The following NBEAL1 variants were observed in gnomAD, a reference collection of about 807,000 sequenced individuals.
The protein encoded by NBEAL1 is neurobeachin-like protein 1.
In NBEAL1, 273 loss-of-function variants were observed where a neutral mutation model predicts 351.3. The ratio of observed to expected loss-of-function variants is 0.78; its 90% confidence interval spans 0.70 to 0.86. The LOEUF is 0.86. NBEAL1 is among the 40% of genes least tolerant of loss of function. The pLI is 0.00. For synonymous variants in NBEAL1, 1,050 were observed against 1,086.4 expected (o/e 0.97, Z 0.66); for missense variants, 2,961 against 3,201.3 (o/e 0.92, Z 1.81).
chr2:203,210,027 A>G (rs1255109497), intron 53 of NBEAL1, among the ~76,000 whole-genome samples: 3 of 152,086 alleles, frequency 2.0e-5, no homozygotes, highest in Non-Finnish European at 2.9e-5. Flanking sequence ...CTGGGATTAC[A>G]GACATGAGCC....
rs553184413 is a variant in NBEAL1 at position 203,166,213 on chromosome 2, A to G, written c.5779A>G (p.Thr1927Ala). The part of the protein sequence containing the change: ...LVLMEDCELI[T>A]IIDVIPGRLE... ...ATTGATGGAAGACTGTGAACTCATTACAATAATTGATGTAATTCCTGGCAG... is the reference window on the plus strand; with the variant it reads ...ATTGATGGAAGACTGTGAACTCATTGCAATAATTGATGTAATTCCTGGCAG... Residue 1927 changes from threonine to alanine, a missense_variant, in exon 37 of 56, where the codon ACA becomes GCA. By Grantham distance (58) the Thr-to-Ala change is moderately conservative. Coordinates refer to ENST00000683969, the MANE Select transcript of NBEAL1 (RefSeq NM_001378026.1). 5.0e-6 allele frequency: 8 copies of G among 1,611,356 alleles called. No homozygotes were observed. The East Asian group carries it at 1.8e-4, about 36-fold the overall frequency.
rs1308333962 is a variant in NBEAL1, at chr2:203,219,347, AT to A, written c.*1994del. On this transcript the variant is annotated 3_prime_UTR_variant, in exon 56 of 56. Transcript: ENST00000683969. ...ATACTGGATTTGAAAATTATTTTGG[AT>A]GCTTATAAGTTTTCTAAAACTTAGA... The A allele has an allele frequency of 9.2e-5, 14 of 152,106 alleles. No homozygotes were observed. The highest frequency in any genetic ancestry group is 1.9e-4 in the Non-Finnish European group (13 of 68,020). 9.4% of individuals were successfully genotyped at this position (152,106 alleles called of 1,614,324 possible). A position where few individuals can be genotyped will look rare whatever the true frequency, so the allele number is the denominator to read the frequency against.
chr2:203,138,643 C>T lies in NBEAL1; in HGVS notation c.4743C>T (p.Leu1581=). The T allele has an allele frequency of 1.2e-6, 2 of 1,608,604 alleles. No homozygotes were observed. The highest frequency in any genetic ancestry group is 1.1e-5 in the South Asian group (1 of 89,310). Residue 1581 remains leucine, a synonymous_variant, in exon 31 of 56, where the codon CTC becomes CTT. Transcript: ENST00000683969. The part of the protein sequence containing the change: ...TEKLLEDMML[L]FDCLSVCYSE... ...AGCTTTTAGAGGATATGATGCTGCT[C>T]TTTGACTGTCTGTCAGTCTGCTATT...
chr2:203,160,175 G>A (rs1185836201), intron 36 of NBEAL1, among the ~76,000 whole-genome samples: 1 of 150,574 alleles, frequency 6.6e-6, no homozygotes, highest in African/African-American at 2.4e-5. Flanking sequence ...TACCTCCCAG[G>A]TTCAAGCAAT....
At chr2:203,163,058 G>T (rs962373987) in intron 36 of NBEAL1, among the ~76,000 whole-genome samples, 7 of 152,226 alleles carry the variant, frequency 4.6e-5, no homozygotes, top group African/African-American at 1.7e-4. Context: ...TCAGAAGGCT[G>T]AGGCAGGGGA....
At chr2:203,139,634 G>A (rs910178612) in intron 31 of NBEAL1, among the ~76,000 whole-genome samples, 1 of 130,628 alleles carries the variant, frequency 7.7e-6, no homozygotes, top group African/African-American at 2.9e-5. Flanking sequence ...GGTGGCTCTC[G>A]GCTCACTGTA....
At chr2:203,170,648 C>G (rs962436042) in intron 39 of NBEAL1, among the ~76,000 whole-genome samples, 1 of 152,178 alleles carries the variant, frequency 6.6e-6, no homozygotes, top group African/African-American at 2.4e-5. Context: ...TCTCCTTCCT[C>G]CCACAAACAC....
intron 18 of NBEAL1, among the ~76,000 whole-genome samples, chr2:203,119,880 C>T (rs1275361195): frequency 6.6e-6 from 1 of 152,160 alleles, no homozygotes; most frequent in African/African-American, 2.4e-5. Flanking sequence ...TTAACAAATG[C>T]TAGTTTGGGA....
At position 203,223,699 on chromosome 2, in the gene NBEAL1, G is replaced by A. The variant is rs2065979398; in HGVS notation, c.*6345G>A. On this transcript the variant is annotated 3_prime_UTR_variant, in exon 56 of 56. Transcript: ENST00000683969. ...AAGATGTATTAAAACTAGCAATTCTGTGGTAATCAGTGTACTAGTCAACAT... is the reference window on the plus strand; with the variant it reads ...AAGATGTATTAAAACTAGCAATTCTATGGTAATCAGTGTACTAGTCAACAT... 6.6e-6 allele frequency among the ~76,000 whole-genome samples: 1 copy of A among 151,996 alleles called. No individual in the cohort carries two copies. Among genetic ancestry groups the A allele is most frequent in the African/African-American group, 2.4e-5 (1 of 41,418 alleles).
chr2:203,109,220 G>C (rs1399251106), intron 14 of NBEAL1, among the ~76,000 whole-genome samples: 1 of 152,128 alleles, frequency 6.6e-6, no homozygotes, highest in Non-Finnish European at 1.5e-5. Context: ...AGCTGGGCGT[G>C]GTGGCACATG....
intron 44 of NBEAL1, among the ~76,000 whole-genome samples, chr2:203,185,204 G>A (rs934842423): frequency 1.3e-5 from 2 of 152,128 alleles, no homozygotes; most frequent in African/African-American, 4.8e-5. Context: ...TAGGCATGTA[G>A]GCATGTATGC....
intron 12 of NBEAL1, among the ~76,000 whole-genome samples, chr2:203,101,161 T>A (rs2062311316): frequency 6.6e-6 from 1 of 152,066 alleles, no homozygotes; most frequent in Non-Finnish European, 1.5e-5. Flanking sequence ...GTCTAATCCA[T>A]CTTGAGTTGA....
chr2:203,083,573 C>CT, intron 9 of NBEAL1, 48 bp downstream of exon 9: 1 of 1,359,642 alleles, frequency 7.4e-7, no homozygotes, highest in Non-Finnish European at 9.9e-7. Context: ...TTTTTATTTT[C>CT]ATATCTACCA....
chr2:203,175,169 A>G lies in NBEAL1; in HGVS notation c.6346A>G (p.Met2116Val), dbSNP rs745705967. 4.3e-6 allele frequency: 7 copies of G among 1,611,652 alleles called. No individual in the cohort carries two copies. Among genetic ancestry groups the G allele is most frequent in the Admixed American group, 3.4e-5 (2 of 59,652 alleles). The change falls in exon 42 of 56, where the codon ATG (methionine) becomes GTG (valine). Residue 2116 changes from methionine to valine, a missense_variant. Transcript: ENST00000683969. ...CAGATATGAAAATTTTGAGGATCCT[A>G]TGGGAACTATTGATAAGTTTCACTA... ...REKYENFEDP[M>V]GTIDKFHYGT...
At chr2:203,075,731 A>C (rs1308265953) in intron 7 of NBEAL1, among the ~76,000 whole-genome samples, 1 of 152,136 alleles carries the variant, frequency 6.6e-6, no homozygotes, top group Non-Finnish European at 1.5e-5. Context: ...CCTCCTTTCC[A>C]TGTAGCAGTT....
chr2:203,039,583 G>A (rs185726277), intron 2 of NBEAL1, among the ~76,000 whole-genome samples: 11,828 of 148,178 alleles, frequency 0.08, 607 homozygotes, highest in Non-Finnish European at 0.11. Context: ...TAGTAGAGAT[G>A]GGGTTTCGCC....
chr2:203,106,564 A>G (rs1305538985), intron 12 of NBEAL1, among the ~76,000 whole-genome samples: 4 of 152,300 alleles, frequency 2.6e-5, no homozygotes, highest in Admixed American at 1.3e-4. Flanking sequence ...AAATTCAAAC[A>G]TGAGAAAAGA....
At position 203,057,434 on chromosome 2, in the gene NBEAL1, T is replaced by C; in HGVS notation, c.496T>C (p.Trp166Arg). 6.4e-7 allele frequency: 1 copy of C among 1,551,158 alleles called. No homozygotes were observed. Among genetic ancestry groups the C allele is most frequent in the Non-Finnish European group, 8.7e-7 (1 of 1,146,058 alleles). Residue 166 changes from tryptophan to arginine, a missense_variant, in exon 6 of 56, where the codon TGG becomes CGG. Physicochemically the swap from Trp to Arg is moderately radical, Grantham distance 101 (BLOSUM62 -3). Transcript: ENST00000683969. ...CESLYDPYRNWRHRISGRILS... is the reference protein window; with the variant it reads ...CESLYDPYRNRRHRISGRILS... ...AAGCTTATATGATCCATATCGGAAT[T>C]GGAGACATAGAATTTCAGGGTATGT... is the stretch of plus-strand genomic sequence containing the variant.
At chr2:203,140,241 T>C (rs2063332023) in intron 31 of NBEAL1, among the ~76,000 whole-genome samples, 1 of 151,338 alleles carries the variant, frequency 6.6e-6, no homozygotes, top group Non-Finnish European at 1.5e-5. Context: ...AGACAGAGGT[T>C]GTGGTGAGCT....
Sources: gnomAD v4.1 joint callset for allele counts (sites outside exome capture counted in the v4.1 genomes callset) on GRCh38, gnomAD v4.1.1 for gene constraint, MANE v1.5 for transcripts, NCBI Gene and HGNC (gene_info 2026-07-23, HGNC 2026-07-21) for gene names.